Variants in TLL2 observed in about 807,000 individuals in gnomAD.
The protein encoded by TLL2 is tolloid like 2, also known as tolloid-like protein 2.
TLL2 carries 106 observed loss-of-function variants against 123.0 expected under a neutral mutation model. That is an observed-to-expected ratio of 0.86 (90% CI 0.74 to 1.01). The LOEUF (loss-of-function observed/expected upper bound fraction) is 1.01, where lower values mean the gene tolerates loss of function less well. Among genes scored for constraint, TLL2 ranks in the 50% least tolerant of loss-of-function variants. The pLI is 0.00. For synonymous variants in TLL2, 494 were observed against 516.8 expected, an observed-to-expected ratio of 0.96 and a Z score of 0.60; for missense variants, 1,332 against 1,336.7, an observed-to-expected ratio of 1.00 and a Z score of 0.06.
At chr10:96,477,815 C>T (rs1357496612) in intron 2 of TLL2, among the ~76,000 whole-genome samples, 1 of 152,214 alleles carries the variant, frequency 6.6e-6, no homozygotes, top group East Asian at 1.9e-4. Context: ...CAAAGCCCTG[C>T]TGAGGCTCTG....
At position 96,470,071 on chromosome 10, in the gene TLL2, G is replaced by A. The variant is rs571054026; in HGVS notation, c.286+10278C>T. On this transcript the variant is annotated intron_variant, in intron 2 of 20. Coordinates refer to ENST00000357947, the MANE Select transcript of TLL2 (RefSeq NM_012465.4). ...ACAGAGACCCCAGCAAGCTCTCCCCGGCTTGCAGACCTAAGGACCACATTT... is the reference window on the plus strand; with the variant it reads ...ACAGAGACCCCAGCAAGCTCTCCCCAGCTTGCAGACCTAAGGACCACATTT... Among the ~76,000 whole-genome samples, 24 of 152,220 alleles carry A rather than the reference G, an allele frequency of 1.6e-4. 1 individual carries two copies. In the South Asian group the frequency reaches 4.6e-3, roughly 29 times the overall value.
intron 13 of TLL2, among the ~76,000 whole-genome samples, chr10:96,387,987 G>A (rs2046599611): frequency 6.6e-6 from 1 of 152,196 alleles, no homozygotes; most frequent in African/African-American, 2.4e-5. Flanking sequence ...TCTAGTGAAG[G>A]GACAACTGAA....
chr10:96,393,659 C>T lies in TLL2; in HGVS notation c.1726+1528G>A, dbSNP rs185417958. Among the ~76,000 whole-genome samples, 125 of 152,118 alleles carry T rather than the reference C, an allele frequency of 8.2e-4. 1 individual carries two copies. The highest frequency in any genetic ancestry group is 2.8e-3 in the African/African-American group (115 of 41,490). On this transcript the variant is annotated intron_variant, in intron 13 of 20. Coordinates refer to ENST00000357947, the MANE Select transcript of TLL2 (RefSeq NM_012465.4). ...TTCCAGGCATCTCAACTAAGGCTGT[C>T]ATATCTTCCCTGTGCAATCAGAAGC...
chr10:96,468,813 A>C (rs1847153071), intron 2 of TLL2, among the ~76,000 whole-genome samples: 1 of 152,124 alleles, frequency 6.6e-6, no homozygotes. Flanking sequence ...CCTGACAAAC[A>C]CGCTCGTAAT....
In TLL2 at chr10:96,378,985, C is replaced by G. The variant is rs775863282; in HGVS notation, c.2302G>C (p.Gly768Arg). The G allele has an allele frequency of 6.2e-7, 1 of 1,614,218 alleles. No homozygotes were observed. Among genetic ancestry groups the G allele is most frequent in the South Asian group, 1.1e-5 (1 of 91,090 alleles). ...CRNGYWLHEN[G>R]HDCKEAGCAH... ...GCCTCACCCTCTTTGCAGTCATGCC[C>G]ATTCTCGTGGAGCCAGTAGCCGTTT... Residue 768 changes from glycine to arginine, a missense_variant, in exon 17 of 21, where the codon GGG becomes CGG. Gly to Arg is a moderately radical substitution (Grantham distance 125). Coordinates refer to ENST00000357947, the MANE Select transcript of TLL2 (RefSeq NM_012465.4).
intron 2 of TLL2, among the ~76,000 whole-genome samples, chr10:96,476,017 G>A (rs1335877679): frequency 2.0e-5 from 3 of 151,568 alleles, no homozygotes; most frequent in East Asian, 1.9e-4. Flanking sequence ...CAGCCACGTG[G>A]AACAGTGAGT....
chr10:96,451,360 C>G (rs535355725), intron 2 of TLL2, among the ~76,000 whole-genome samples: 1 of 152,230 alleles, frequency 6.6e-6, no homozygotes, highest in South Asian at 2.1e-4. Flanking sequence ...CACACAACGC[C>G]CCTCCACCAT....
chr10:96,476,240 A>ATATATATATATATTTTTTTTTTTTT, intron 2 of TLL2, among the ~76,000 whole-genome samples: 2 of 20,490 alleles, frequency 9.8e-5, no homozygotes, highest in Non-Finnish European at 1.0e-4. Flanking sequence ...ATATATATAT[A>ATATATATATATATTTTTTTTTTTTT]TTTTATTTTT....
intron 16 of TLL2, among the ~76,000 whole-genome samples, chr10:96,381,447 A>T (rs1374720608): frequency 6.6e-6 from 1 of 151,772 alleles, no homozygotes; most frequent in Non-Finnish European, 1.5e-5. Flanking sequence ...GGCCCATCTC[A>T]TCTCTGTCTC....
intron 5 of TLL2, among the ~76,000 whole-genome samples, chr10:96,426,953 A>G (rs1478729437): frequency 1.3e-5 from 2 of 152,156 alleles, no homozygotes; most frequent in Non-Finnish European, 2.9e-5. Context: ...TTTGAATTGA[A>G]TATTTCATTG....
chr10:96,428,803 ATGC>A, intron 4 of TLL2, 55 bp from the exon 5 acceptor site: 1 of 1,221,480 alleles, frequency 8.2e-7, no homozygotes, highest in Non-Finnish European at 1.2e-6. Context: ...TTTTCTTTAG[ATGC>A]TTTTTTTTTT....
At chr10:96,379,244 T>C (rs1846165312) in intron 16 of TLL2, 152 bp from the exon 17 acceptor site, 2 of 992,922 alleles carry the variant, frequency 2.0e-6, no homozygotes, top group Non-Finnish European at 2.9e-6. Context: ...AGGAGTGAAG[T>C]GGGAAGCATC....
intron 2 of TLL2, among the ~76,000 whole-genome samples, chr10:96,459,708 ATATAT>A (rs1564911584): frequency 1.9e-4 from 7 of 37,666 alleles, no homozygotes; most frequent in East Asian, 6.1e-4. Context: ...AAAAAAAAAT[ATATAT>A]ATATATATAT....
Position 96,405,331 on chromosome 10 carries a change from C to T in TLL2, c.1168G>A (p.Val390Ile), listed in dbSNP as rs146926136. ...RISVTPGEKI[V>I]LNFTSMDLFK... is the part of the protein sequence containing the mutation. Reference sequence around the variant, plus strand: ...AAATCCATGGATGTGAAGTTTAATACGATCTGTAAAGAATTACCATAAAGT... The same window carrying T: ...AAATCCATGGATGTGAAGTTTAATATGATCTGTAAAGAATTACCATAAAGT... Residue 390 changes from valine to isoleucine, a missense_variant, in exon 10 of 21, where the codon GTA becomes ATA. Transcript: ENST00000357947. The T allele has an allele frequency of 5.2e-5, 84 of 1,613,796 alleles. No homozygotes were observed. Among genetic ancestry groups the T allele is most frequent in the Middle Eastern group, 1.6e-4 (1 of 6,084 alleles).
chr10:96,397,167 G>C lies in TLL2; in HGVS notation c.1384+19C>G. ...GCTTATGAGGGGCCACCGAGCAGCT[G>C]CTTTCACCTCGCACAAACCTTCGTA... On this transcript the variant is annotated intron_variant, in intron 11 of 20. Transcript: ENST00000357947. 6.2e-7 allele frequency: 1 copy of C among 1,602,442 alleles called. No homozygotes were observed. The highest frequency in any genetic ancestry group is 8.5e-7 in the Non-Finnish European group (1 of 1,172,300).
Position 96,395,245 on chromosome 10 carries a change from C to A in TLL2, c.1668G>T (p.Met556Ile), listed in dbSNP as rs781647141. 2 of 1,613,672 alleles carry A rather than the reference C, an allele frequency of 1.2e-6. No individual in the cohort carries two copies. The highest frequency in any genetic ancestry group is 1.7e-5 in the Admixed American group (1 of 59,930). Residue 556 changes from methionine to isoleucine, a missense_variant, in exon 13 of 21, where the codon ATG (methionine) becomes ATT (isoleucine). Coordinates refer to ENST00000357947, the MANE Select transcript of TLL2 (RefSeq NM_012465.4). The stretch of plus-strand genomic sequence containing the variant: ...TGATAGAGCCATCGGACACAAACTT[C>A]ATCCACAGTCTGTTGGAGCTCGATT... ...DVKSSSNRLW[M>I]KFVSDGSINK... is the part of the protein sequence containing the mutation.
At chr10:96,456,556 C>T (rs961534626) in intron 2 of TLL2, among the ~76,000 whole-genome samples, 1 of 152,198 alleles carries the variant, frequency 6.6e-6, no homozygotes, top group African/African-American at 2.4e-5. Context: ...ACCTCTCAGC[C>T]GCCAAACCAG....
intron 1 of TLL2, among the ~76,000 whole-genome samples, chr10:96,486,032 A>G (rs1847352604): frequency 6.6e-6 from 1 of 152,232 alleles, no homozygotes; most frequent in Admixed American, 6.5e-5. Flanking sequence ...ACCCAAGCCA[A>G]GGAAGTTACA....
chr10:96,420,388 G>A (rs1846607958), intron 7 of TLL2, among the ~76,000 whole-genome samples: 2 of 152,186 alleles, frequency 1.3e-5, no homozygotes, highest in South Asian at 2.1e-4. Flanking sequence ...ATAAATAAAC[G>A]GCCCAGCCCT....
Sources: allele counts gnomAD v4.1 joint callset (sites outside exome capture counted in the v4.1 genomes callset), GRCh38; gene constraint gnomAD v4.1.1; transcripts MANE v1.5; gene names NCBI Gene and HGNC (gene_info 2026-07-23, HGNC 2026-07-21).